The following FSTL5 variants were observed in gnomAD, a reference collection of about 807,000 sequenced individuals.
FSTL5 encodes follistatin-related protein 5.
FSTL5 carries 62 observed loss-of-function variants against 89.1 expected under a neutral mutation model. The ratio of observed to expected loss-of-function variants is 0.70; its 90% CI spans 0.57 to 0.86. The LOEUF (loss-of-function observed/expected upper bound fraction) is 0.86. Ranked by LOEUF, FSTL5 falls within the 40% of genes least tolerant of loss-of-function variation. FSTL5 has a pLI of 0.00. For missense variants in FSTL5, 1,057 were observed against 1,001.6 expected (o/e 1.06, Z -0.75); for synonymous variants, 383 against 346.2 (o/e 1.11, Z -1.18).
At chr4:161,820,475 A>G (rs1229731696) in intron 4 of FSTL5, among the ~76,000 whole-genome samples, 1 of 152,230 alleles carries the variant, frequency 6.6e-6, no homozygotes, top group Non-Finnish European at 1.5e-5. Flanking sequence ...ATTGAAACAT[A>G]TAATGAATAT....
At chr4:161,647,603 A>T (rs573582562) in intron 7 of FSTL5, among the ~76,000 whole-genome samples, 20 of 152,044 alleles carry the variant, frequency 1.3e-4, no homozygotes, top group South Asian at 6.2e-4. Flanking sequence ...GGTTTTAGAG[A>T]TCTGCTATAA....
intron 15 of FSTL5, among the ~76,000 whole-genome samples, chr4:161,409,660 G>A (rs552862244): frequency 7.2e-5 from 11 of 152,262 alleles, no homozygotes; most frequent in Middle Eastern, 3.4e-3. Context: ...GATTACAGGC[G>A]TGAGCCACCG....
chr4:161,933,400 A>T (rs1734345602), intron 3 of FSTL5, among the ~76,000 whole-genome samples: 1 of 152,116 alleles, frequency 6.6e-6, no homozygotes, highest in South Asian at 2.1e-4. Flanking sequence ...CTAAGCACTG[A>T]AAAAGATACT....
Position 161,920,545 on chromosome 4 carries a change from T to G in FSTL5, c.268A>C (p.Met90Leu), listed in dbSNP as rs1733965300. 9 of 1,614,070 alleles carry G rather than the reference T, an allele frequency of 5.6e-6. No homozygotes were observed. The highest frequency in any genetic ancestry group is 6.8e-6 in the Non-Finnish European group (8 of 1,179,998). The change falls in exon 4 of 16, where the codon ATG (methionine) becomes CTG (leucine). Residue 90 changes from methionine (M) to leucine (L), a missense_variant. By Grantham distance (15) the Met-to-Leu change is conservative. Coordinates refer to ENST00000306100, the MANE Select transcript of FSTL5 (RefSeq NM_020116.5). ...TTGTAGTGACGTTTGCAAAGGTCCA[T>G]ACAGGCACATTCTGCTTGCCCTGTC... ...RETGQAECAC[M>L]DLCKRHYKPV...
intron 2 of FSTL5, among the ~76,000 whole-genome samples, chr4:162,090,588 A>C (rs1730508443): frequency 6.6e-6 from 1 of 152,102 alleles, no homozygotes; most frequent in Admixed American, 6.6e-5. Flanking sequence ...TTGGAGGTTG[A>C]GGCAGGTGGA....
chr4:162,080,645 C>T (rs1031155688), intron 2 of FSTL5, among the ~76,000 whole-genome samples: 25 of 151,478 alleles, frequency 1.7e-4, no homozygotes, highest in Non-Finnish European at 2.7e-4. Context: ...CCTTGTATGA[C>T]GTATTTCTAA....
chr4:161,670,733 A>G (rs1011328231), intron 6 of FSTL5, among the ~76,000 whole-genome samples: 1 of 152,198 alleles, frequency 6.6e-6, no homozygotes, highest in Non-Finnish European at 1.5e-5. Flanking sequence ...AATACGGGGA[A>G]TTGAACACTG....
intron 4 of FSTL5, among the ~76,000 whole-genome samples, chr4:161,898,159 G>A (rs1733229835): frequency 1.4e-5 from 2 of 147,272 alleles, no homozygotes; most frequent in Admixed American, 1.4e-4. Flanking sequence ...TATACCATAG[G>A]TATATTGATG....
At chr4:161,448,449 A>G (rs962751983) in intron 15 of FSTL5, among the ~76,000 whole-genome samples, 3 of 152,142 alleles carry the variant, frequency 2.0e-5, no homozygotes, top group African/African-American at 7.2e-5. Context: ...ATGGTTAGCC[A>G]TATATATAAT....
intron 4 of FSTL5, among the ~76,000 whole-genome samples, chr4:161,795,729 T>C (rs897772019): frequency 3.3e-5 from 5 of 152,058 alleles, no homozygotes; most frequent in Non-Finnish European, 5.9e-5. Context: ...TTCTCCATTG[T>C]GTTGTGTTGG....
intron 4 of FSTL5, among the ~76,000 whole-genome samples, chr4:161,836,360 C>T (rs1035874310): frequency 2.3e-4 from 35 of 149,410 alleles, no homozygotes; most frequent in South Asian, 4.2e-4. Flanking sequence ...TGCTAAATGA[C>T]GAGTTAATGG....
At chr4:161,909,871 A>T (rs1399047156) in intron 4 of FSTL5, among the ~76,000 whole-genome samples, 1 of 151,752 alleles carries the variant, frequency 6.6e-6, no homozygotes, top group Non-Finnish European at 1.5e-5. Context: ...ATTCCCATCC[A>T]CCTCTCCCTC....
chr4:162,104,411 T>TACCATCTTGGAAGCGGCCCGCC (rs1238333478), intron 2 of FSTL5, among the ~76,000 whole-genome samples: 3 of 152,128 alleles, frequency 2.0e-5, no homozygotes, highest in African/African-American at 4.8e-5. Flanking sequence ...AGCCTCCGGC[T>TACCATCTTGGAAGCGGCCCGCC]ACCATCTTGG....
At chr4:161,400,221 T>C (rs1731139025) in intron 15 of FSTL5, among the ~76,000 whole-genome samples, 1 of 152,104 alleles carries the variant, frequency 6.6e-6, no homozygotes, top group African/African-American at 2.4e-5. Context: ...CTGCATTTTG[T>C]CTTGTTTGGT....
At chr4:161,841,902 G>C (rs1245076995) in intron 4 of FSTL5, among the ~76,000 whole-genome samples, 1 of 152,110 alleles carries the variant, frequency 6.6e-6, no homozygotes, top group Non-Finnish European at 1.5e-5. Context: ...TGGGCTGCCG[G>C]TCTGTTCAGA....
intron 4 of FSTL5, among the ~76,000 whole-genome samples, chr4:161,807,962 C>G (rs1052281526): frequency 6.6e-6 from 1 of 151,894 alleles, no homozygotes; most frequent in African/African-American, 2.4e-5. Context: ...TCAGAGAAAT[C>G]AAAAGGCAAA....
intron 12 of FSTL5, among the ~76,000 whole-genome samples, chr4:161,486,607 C>A (rs1033516530): frequency 6.6e-6 from 1 of 152,062 alleles, no homozygotes; most frequent in Non-Finnish European, 1.5e-5. Context: ...GAGTCCCTAC[C>A]CACTTGTTGT....
At position 161,940,313 on chromosome 4, in the gene FSTL5, C is replaced by T. The variant is rs12647977; in HGVS notation, c.161-19661G>A. 0.013 allele frequency among the ~76,000 whole-genome samples: 1,974 copies of T among 151,566 alleles called. 128 individuals carry two copies. In the East Asian group the frequency reaches 0.2, roughly 16 times the overall value. On this transcript the variant is annotated intron_variant, in intron 3 of 15. Coordinates refer to ENST00000306100, the MANE Select transcript of FSTL5 (RefSeq NM_020116.5). The stretch of plus-strand genomic sequence containing the variant: ...AGATCTGTGGAATGCCATCAAAATA[C>T]GCTATCTGCATAACAGTAGTCCCAG...
Position 161,516,436 on chromosome 4 carries a change from C to T in FSTL5, c.1313-6012G>A, listed in dbSNP as rs1444839760. ...TTTTTTTACATATTCTTATCAATGT[C>T]CTTAGTATGTCTGTGTATATATACA... On this transcript the variant is annotated intron_variant, in intron 10 of 15. Transcript: ENST00000306100. Among the ~76,000 whole-genome samples, 4 of 133,880 alleles carry T rather than the reference C, an allele frequency of 3.0e-5. No individual in the cohort carries two copies. In the East Asian group the frequency reaches 6.3e-4, roughly 21 times the overall value. 87.8% of individuals were successfully genotyped at this position (133,880 alleles called of 152,430 possible). A position where few individuals can be genotyped will look rare whatever the true frequency, so the allele number is the denominator to read the frequency against.
Sources: gnomAD v4.1 joint callset for allele counts (sites outside exome capture counted in the v4.1 genomes callset) on GRCh38, gnomAD v4.1.1 for gene constraint, MANE v1.5 for transcripts, NCBI Gene and HGNC (gene_info 2026-07-23, HGNC 2026-07-21) for gene names.